SKAP1: variants seen among roughly 807,000 people sequenced by gnomAD.
SKAP1 encodes src kinase associated phosphoprotein 1.
Under a neutral mutation model 58.5 loss-of-function variants are expected in SKAP1, and 44 were observed. That is an observed-to-expected ratio of 0.75 (90% confidence interval 0.59 to 0.97). The LOEUF (loss-of-function observed/expected upper bound fraction) is 0.97. Ranked by LOEUF, SKAP1 falls within the 50% of genes least tolerant of loss-of-function variation. The probability of loss-of-function intolerance (pLI) is 0.00; values close to 1 mark genes in which losing one functional copy is unlikely to be tolerated. For missense variants in SKAP1, 390 were observed against 435.2 expected (o/e 0.90, Z 0.92); for synonymous variants, 127 against 149.7 (o/e 0.85, Z 1.11).
intron 4 of SKAP1, among the ~76,000 whole-genome samples, chr17:48,220,116 A>C (rs1412528650): frequency 2.0e-5 from 3 of 152,230 alleles, no homozygotes; most frequent in Non-Finnish European, 4.4e-5. Flanking sequence ...AAATGGTACA[A>C]GTCTGTTGGA....
At chr17:48,138,636 C>G (rs535372618) in intron 11 of SKAP1, among the ~76,000 whole-genome samples, 2 of 152,258 alleles carry the variant, frequency 1.3e-5, no homozygotes, top group South Asian at 4.1e-4. Context: ...TCCCAAAGTG[C>G]TGGGATTACA....
chr17:48,354,577 A>G (rs759972500), intron 3 of SKAP1, among the ~76,000 whole-genome samples: 7 of 152,178 alleles, frequency 4.6e-5, no homozygotes, highest in Non-Finnish European at 8.8e-5. Flanking sequence ...TTCTTCCACT[A>G]CTTGCCTCAC....
chr17:48,400,861 C>T (rs1016422367), intron 1 of SKAP1, among the ~76,000 whole-genome samples: 2 of 152,102 alleles, frequency 1.3e-5, no homozygotes, highest in Middle Eastern at 3.2e-3. Flanking sequence ...GACTTAATAT[C>T]GTTAAAATGG....
At chr17:48,189,615 C>T (rs980187077) in intron 4 of SKAP1, 115 bp from the exon 5 acceptor site, 2 of 662,144 alleles carry the variant, frequency 3.0e-6, no homozygotes, top group Admixed American at 5.7e-5. Context: ...ATTGCTTAAA[C>T]ACAGTACAAA....
chr17:48,312,232 A>G (rs2066232482), intron 4 of SKAP1, among the ~76,000 whole-genome samples: 1 of 152,228 alleles, frequency 6.6e-6, no homozygotes, highest in Non-Finnish European at 1.5e-5. Context: ...CTTGTTTTCC[A>G]ATCAGTAATA....
At chr17:48,373,543 A>C (rs545644791) in intron 2 of SKAP1, among the ~76,000 whole-genome samples, 1 of 152,356 alleles carries the variant, frequency 6.6e-6, no homozygotes, top group African/African-American at 2.4e-5. Flanking sequence ...ACTTAAGAGA[A>C]GATACAGTTG....
chr17:48,135,651 A>T lies in SKAP1; in HGVS notation c.*7+1578T>A, dbSNP rs191238487. On this transcript the variant is annotated intron_variant, in intron 12 of 12. Transcript: ENST00000336915. ...CACCACCACACGTGGCTAATTTTTT[A>T]AAAAAAATTTTGTAGAGACCTTCTG... Among the ~76,000 whole-genome samples the T allele has an allele frequency of 2.2e-3, 328 of 151,884 alleles. 2 individuals are homozygous for T. Among genetic ancestry groups the T allele is most frequent in the African/African-American group, 7.4e-3 (306 of 41,400 alleles).
At chr17:48,360,064 A>G (rs900165715) in intron 3 of SKAP1, among the ~76,000 whole-genome samples, 3 of 152,232 alleles carry the variant, frequency 2.0e-5, no homozygotes, top group Non-Finnish European at 4.4e-5. Context: ...GAGATACTCA[A>G]AGAATCTTTA....
chr17:48,414,223 C>G (rs777643253), intron 1 of SKAP1, among the ~76,000 whole-genome samples: 6 of 152,002 alleles, frequency 3.9e-5, no homozygotes, highest in African/African-American at 7.3e-5. Flanking sequence ...CACCTAGTCT[C>G]GAGGGGAAGG....
At chr17:48,271,029 G>A (rs1420776456) in intron 4 of SKAP1, among the ~76,000 whole-genome samples, 2 of 152,158 alleles carry the variant, frequency 1.3e-5, no homozygotes, top group African/African-American at 4.8e-5. Context: ...AGATAGGAGA[G>A]CACCAAGGAA....
At chr17:48,152,127 A>G (rs1304596302) in intron 11 of SKAP1, among the ~76,000 whole-genome samples, 3 of 152,218 alleles carry the variant, frequency 2.0e-5, no homozygotes, top group Non-Finnish European at 4.4e-5. Context: ...CTAATTTGAG[A>G]ATCAATATGA....
intron 1 of SKAP1, among the ~76,000 whole-genome samples, chr17:48,417,780 T>C (rs1416682967): frequency 6.6e-6 from 1 of 151,456 alleles, no homozygotes; most frequent in Non-Finnish European, 1.5e-5. Context: ...AAATTCTGCA[T>C]ATGTACACTA....
At chr17:48,134,014 C>T (rs975026625) in intron 12 of SKAP1, among the ~76,000 whole-genome samples, 198 bp from the exon 13 acceptor site, 1 of 152,034 alleles carries the variant, frequency 6.6e-6, no homozygotes, top group Admixed American at 6.6e-5. Flanking sequence ...AGTCTCCAGT[C>T]CTTTTTTATA....
chr17:48,318,291 A>C (rs1461562480), intron 4 of SKAP1, among the ~76,000 whole-genome samples: 1 of 152,226 alleles, frequency 6.6e-6, no homozygotes, highest in Non-Finnish European at 1.5e-5. Context: ...GTGCAATACT[A>C]TATCAAGAAC....
At chr17:48,176,919 A>AGTGTGGGCTT (rs1342281598) in intron 9 of SKAP1, among the ~76,000 whole-genome samples, 1 of 152,360 alleles carries the variant, frequency 6.6e-6, no homozygotes, top group East Asian at 1.9e-4. Flanking sequence ...CTATAGAGAC[A>AGTGTGGGCTT]GTGTGGGCTT....
At chr17:48,239,570 A>G (rs2065220567) in intron 4 of SKAP1, among the ~76,000 whole-genome samples, 1 of 152,210 alleles carries the variant, frequency 6.6e-6, no homozygotes, top group Non-Finnish European at 1.5e-5. Context: ...TAAGAAAGAA[A>G]AGAGTGAAAT....
At chr17:48,145,419 G>GA (rs5820687) in intron 11 of SKAP1, among the ~76,000 whole-genome samples, 133,470 of 146,928 alleles carry the variant, frequency 0.91, 60,680 homozygotes, top group African/African-American at 0.96. Flanking sequence ...CATCAACAAG[G>GA]AAAAAAAAAA....
chr17:48,409,730 G>C (rs1419102024), intron 1 of SKAP1, among the ~76,000 whole-genome samples: 1 of 151,952 alleles, frequency 6.6e-6, no homozygotes, highest in Non-Finnish European at 1.5e-5. Context: ...TCAGGAGTGG[G>C]CGAGGGATAA....
At chr17:48,207,613 A>G (rs1299890111) in intron 4 of SKAP1, among the ~76,000 whole-genome samples, 7 of 152,122 alleles carry the variant, frequency 4.6e-5, no homozygotes, top group East Asian at 1.9e-4. Context: ...CTAATATTGT[A>G]CTTTATACCA....
Sources: gnomAD v4.1 joint callset for allele counts (sites outside exome capture counted in the v4.1 genomes callset) on GRCh38, gnomAD v4.1.1 for gene constraint, MANE v1.5 for transcripts, NCBI Gene and HGNC (gene_info 2026-07-23, HGNC 2026-07-21) for gene names.